The following ATP2C2 variants were observed in gnomAD, a reference collection of about 807,000 sequenced individuals.
ATP2C2 encodes calcium-transporting ATPase type 2C member 2.
A neutral mutation model predicts 110.8 loss-of-function variants in ATP2C2; 171 were observed. The observed-to-expected ratio is 1.54, with a 90% CI of 1.36 to 1.75. The LOEUF is 1.75. Ranked by LOEUF, ATP2C2 falls within the 40% of genes most tolerant of loss-of-function variation. The pLI is 0.00. For synonymous variants in ATP2C2, 804 were observed against 508.4 expected (o/e 1.58, Z -7.82); for missense variants, 1,963 against 1,235.0 (o/e 1.59, Z -8.84).
At position 84,461,712 on chromosome 16, in the gene ATP2C2, A is replaced by G; in HGVS notation, c.2482-2A>G. The G allele has an allele frequency of 6.2e-7, 1 of 1,613,822 alleles. No individual in the cohort carries two copies. The highest frequency in any genetic ancestry group is 8.5e-7 in the Non-Finnish European group (1 of 1,179,698). The stretch of plus-strand genomic sequence containing the variant: ...CCTCTCACCTTTGTGCTCACCTTCC[A>G]GATGCCTGAAGACAGAGCAAGCACT... On this transcript the variant is annotated splice_acceptor_variant, in intron 24 of 26. Transcript: ENST00000262429. LOFTEE classifies it high-confidence loss of function.
chr16:84,404,087 C>T (rs1376431392), intron 2 of ATP2C2, among the ~76,000 whole-genome samples: 2 of 152,210 alleles, frequency 1.3e-5, no homozygotes, highest in Non-Finnish European at 2.9e-5. Context: ...CTGCTATGAA[C>T]ATGGTTGTTC....
At position 84,459,635 on chromosome 16, in the gene ATP2C2, C is replaced by T. The variant is rs907357395; in HGVS notation, c.2333+249C>T. The stretch of plus-strand genomic sequence containing the variant: ...TGCTCCCTCTGCCTGGATGCTCTCT[C>T]TGGGCAACCTGCATGGCTCATTCTC... On this transcript the variant is annotated intron_variant, in intron 23 of 26. Transcript: ENST00000262429. 3.6e-5 allele frequency: 53 copies of T among 1,476,232 alleles called. 1 individual carries two copies. Among genetic ancestry groups the T allele is most frequent in the Non-Finnish European group, 4.4e-5 (48 of 1,095,468 alleles). 91.4% of individuals were successfully genotyped at this position (1,476,232 alleles called of 1,614,324 possible). A position where few individuals can be genotyped will look rare whatever the true frequency, so the allele number is the denominator to read the frequency against.
At chr16:84,432,256 CTTTT>C (rs1288984431) in intron 11 of ATP2C2, among the ~76,000 whole-genome samples, 1 of 152,060 alleles carries the variant, frequency 6.6e-6, no homozygotes, top group Non-Finnish European at 1.5e-5. Context: ...ACTCACATTT[CTTTT>C]GTTTGCTTTT....
rs376880864 is a variant in ATP2C2, at chr16:84,424,599, T to TTTTTTA, written c.920-1136_920-1135insTTTTTA. ...GGCTTTTTTTTTTTTTTTTTTTTTT[T>TTTTTTA]AACATTTTGGGAACTGCTCTAGCAG... On this transcript the variant is annotated intron_variant, in intron 10 of 26. Transcript: ENST00000262429. Among the ~76,000 whole-genome samples, 701 of 130,872 alleles carry TTTTTTA rather than the reference T, an allele frequency of 5.4e-3. 13 individuals carry two copies. Among genetic ancestry groups the TTTTTTA allele is most frequent in the African/African-American group, 0.015 (509 of 33,868 alleles). 85.9% of individuals were successfully genotyped at this position (130,872 alleles called of 152,430 possible). A position where few individuals can be genotyped will look rare whatever the true frequency, so the allele number is the denominator to read the frequency against.
intron 20 of ATP2C2, 150 bp downstream of exon 20, chr16:84,453,521 C>G: frequency 2.8e-6 from 3 of 1,057,550 alleles, no homozygotes; most frequent in Non-Finnish European, 4.3e-6. Context: ...CGGGAGTTAC[C>G]TTTTCATAGC....
chr16:84,424,595 T>C lies in ATP2C2; in HGVS notation c.920-1140T>C, dbSNP rs1296001126. ...ACTGGGCTTTTTTTTTTTTTTTTTT[T>C]TTTTAACATTTTGGGAACTGCTCTA... On this transcript the variant is annotated intron_variant, in intron 10 of 26. Transcript: ENST00000262429. Among the ~76,000 whole-genome samples the C allele has an allele frequency of 2.8e-5, 3 of 105,380 alleles. No homozygotes were observed. In the South Asian group the frequency reaches 1.0e-3, roughly 35 times the overall value. 69.1% of individuals were successfully genotyped at this position (105,380 alleles called of 152,430 possible).
chr16:84,428,364 G>C (rs911242572), intron 11 of ATP2C2, among the ~76,000 whole-genome samples: 1 of 152,236 alleles, frequency 6.6e-6, no homozygotes, highest in Admixed American at 6.5e-5. Context: ...TGCATGGTGT[G>C]CATTAATTGA....
intron 11 of ATP2C2, among the ~76,000 whole-genome samples, chr16:84,437,735 C>G (rs1323289008): frequency 1.3e-5 from 2 of 152,202 alleles, no homozygotes; most frequent in Non-Finnish European, 2.9e-5. Flanking sequence ...AGGTTGGTCT[C>G]AAACTCCTGA....
intron 7 of ATP2C2, among the ~76,000 whole-genome samples, chr16:84,419,797 C>G (rs890803931): frequency 6.6e-6 from 1 of 152,082 alleles, no homozygotes; most frequent in Non-Finnish European, 1.5e-5. Context: ...AGTTTATAGC[C>G]CAGAGTGACA....
intron 26 of ATP2C2, 117 bp downstream of exon 26, chr16:84,462,246 G>A (rs1318716230): frequency 6.5e-6 from 9 of 1,376,284 alleles, no homozygotes; most frequent in African/African-American, 1.5e-5. Context: ...GAGCTCACCA[G>A]GGGCCGGCTC....
At chr16:84,373,471 G>A (rs527792247) in intron 1 of ATP2C2, among the ~76,000 whole-genome samples, 1 of 152,006 alleles carries the variant, frequency 6.6e-6, no homozygotes, top group East Asian at 1.9e-4. Context: ...CTACACTCCA[G>A]CCTGGGTGAC....
chr16:84,384,455 G>C (rs1025657909), intron 1 of ATP2C2, among the ~76,000 whole-genome samples: 3 of 152,190 alleles, frequency 2.0e-5, no homozygotes, highest in African/African-American at 7.2e-5. Context: ...TTAGTACATG[G>C]TATTGGGAGG....
chr16:84,420,678 T>G (rs1400922309), intron 7 of ATP2C2, among the ~76,000 whole-genome samples: 1 of 152,126 alleles, frequency 6.6e-6, no homozygotes, highest in East Asian at 1.9e-4. Flanking sequence ...CAGATCCCCA[T>G]AGATTTCCCT....
At chr16:84,415,015 T>C (rs12446219) in intron 6 of ATP2C2, among the ~76,000 whole-genome samples, 82,224 of 151,832 alleles carry the variant, frequency 0.54, 23,206 homozygotes, top group Non-Finnish European at 0.64. Context: ...TACGGAAGCA[T>C]ATCCGTAGTC....
At position 84,460,810 on chromosome 16, in the gene ATP2C2, G is replaced by A. The variant is rs369081249; in HGVS notation, c.2481+9G>A. 7.5e-6 allele frequency: 12 copies of A among 1,606,850 alleles called. No individual in the cohort carries two copies. Among genetic ancestry groups the A allele is most frequent in the Non-Finnish European group, 1.0e-5 (12 of 1,175,362 alleles). On this transcript the variant is annotated intron_variant, in intron 24 of 26. Transcript: ENST00000262429. ...TTATCTTCTGGAAGGAGGTGAGCGAGGGTCACCCCGGCCTGTTCTCCAAGC... is the reference window on the plus strand; with the variant it reads ...TTATCTTCTGGAAGGAGGTGAGCGAAGGTCACCCCGGCCTGTTCTCCAAGC...
intron 11 of ATP2C2, among the ~76,000 whole-genome samples, chr16:84,427,591 C>T (rs1316934692): frequency 1.3e-5 from 2 of 152,062 alleles, no homozygotes; most frequent in Admixed American, 6.6e-5. Flanking sequence ...GTGGCAGGCA[C>T]CTAAAATCCC....
At chr16:84,430,786 C>T (rs908938550) in intron 11 of ATP2C2, among the ~76,000 whole-genome samples, 1 of 152,048 alleles carries the variant, frequency 6.6e-6, no homozygotes, top group African/African-American at 2.4e-5. Context: ...GTCTGGCCTC[C>T]TTTTTACAGA....
At chr16:84,385,104 A>C (rs34904375) in intron 1 of ATP2C2, among the ~76,000 whole-genome samples, 27,225 of 152,154 alleles carry the variant, frequency 0.18, 2,677 homozygotes, top group South Asian at 0.29. Context: ...TTATAGGGAA[A>C]AGAGGTTTGA....
In ATP2C2 at chr16:84,401,889, G is replaced by C. The variant is rs370318414; in HGVS notation, c.211-3239G>C. Among the ~76,000 whole-genome samples the C allele has an allele frequency of 3.3e-5, 5 of 152,058 alleles. No homozygotes were observed. In the East Asian group the frequency reaches 7.7e-4, roughly 24 times the overall value. ...AAGAATGTCATTGTTATTTTAATAG[G>C]GATTCGATTAAATCTATAGATTGCT... On this transcript the variant is annotated intron_variant, in intron 2 of 26. Coordinates refer to ENST00000262429, the MANE Select transcript of ATP2C2 (RefSeq NM_014861.4).
Sources: gnomAD v4.1 joint callset for allele counts (sites outside exome capture counted in the v4.1 genomes callset) on GRCh38, gnomAD v4.1.1 for gene constraint, MANE v1.5 for transcripts, NCBI Gene and HGNC (gene_info 2026-07-23, HGNC 2026-07-21) for gene names.